FBXL18: variants seen among roughly 807,000 people sequenced by gnomAD.
FBXL18 encodes F-box and leucine rich repeat protein 18.
A neutral mutation model predicts 46.0 loss-of-function variants in FBXL18; 36 were observed. That is an observed-to-expected ratio of 0.78 (90% CI 0.60 to 1.03). The LOEUF (loss-of-function observed/expected upper bound fraction) is 1.03, where lower values mean the gene tolerates loss of function less well. FBXL18 is among the 50% of genes least tolerant of loss of function. FBXL18 has a pLI of 0.00. For missense variants in FBXL18, 977 were observed against 1,004.1 expected (o/e 0.97, Z 0.36); for synonymous variants, 557 against 465.3 (o/e 1.20, Z -2.54).
chr7:5,509,908 G>A (rs2966435), intron 1 of FBXL18, among the ~76,000 whole-genome samples: 4 of 152,016 alleles, frequency 2.6e-5, no homozygotes, highest in East Asian at 1.9e-4. Flanking sequence ...CTGGGCGGGC[G>A]AGTTGAGTCA....
intron 4 of FBXL18, chr7:5,489,508 C>T (rs1295414937): frequency 2.9e-5 from 10 of 341,204 alleles, no homozygotes; most frequent in Admixed American, 8.2e-5. Context: ...CGGTGGCTCA[C>T]GCCTGTAATC....
At chr7:5,474,731 A>G (rs1353652613), downstream of FBXL18, among the ~76,000 whole-genome samples, 4 of 139,670 alleles carry the variant, frequency 2.9e-5, no homozygotes, top group Non-Finnish European at 6.3e-5. Context: ...TATTTGAGAC[A>G]GAGTCTCGCT....
At chr7:5,492,246 CAGA>C (rs1394265285) in intron 3 of FBXL18, among the ~76,000 whole-genome samples, 4 of 149,996 alleles carry the variant, frequency 2.7e-5, no homozygotes, top group East Asian at 2.0e-4. Context: ...AGACAGAAAG[CAGA>C]AGGACAGGCC....
At chr7:5,494,374 G>A (rs1448501307) in intron 3 of FBXL18, among the ~76,000 whole-genome samples, 1 of 152,134 alleles carries the variant, frequency 6.6e-6, no homozygotes, top group East Asian at 1.9e-4. Flanking sequence ...AGAGGATGCA[G>A]TGAGCTGAGA....
chr7:5,508,015 T>C (rs1784435398), intron 1 of FBXL18, among the ~76,000 whole-genome samples: 1 of 152,024 alleles, frequency 6.6e-6, no homozygotes, highest in South Asian at 2.1e-4. Context: ...ACGCCTGTAA[T>C]CCCAGCACTT....
chr7:5,466,628 C>T (rs1484913368), intron 4 of FBXL18, among the ~76,000 whole-genome samples: 29 of 152,230 alleles, frequency 1.9e-4, no homozygotes, highest in Admixed American at 1.9e-3. Context: ...CCGCAACTTC[C>T]GTTCCCCTCT....
rs1238630705 is a variant in FBXL18, at chr7:5,480,515, C to T, written c.*1260G>A. On this transcript the variant is annotated 3_prime_UTR_variant, in exon 5 of 5. Transcript: ENST00000382368. Reference sequence around the variant, plus strand: ...AACTCCTGGGCTCAAGTGATCCTCCCAAAGTGTGTTGAATATATATATATA... The same window carrying T: ...AACTCCTGGGCTCAAGTGATCCTCCTAAAGTGTGTTGAATATATATATATA... 1 of 146,500 alleles carries T rather than the reference C, an allele frequency of 6.8e-6. No homozygotes were observed. The highest frequency in any genetic ancestry group is 2.6e-5 in the African/African-American group (1 of 38,726). The allele number at this position is 146,500 out of a possible 1,614,324, so 9.1% of individuals were successfully genotyped here. A position where few individuals can be genotyped will look rare whatever the true frequency, so the allele number is the denominator to read the frequency against.
chr7:5,475,638 G>A (rs531481603), downstream of FBXL18, among the ~76,000 whole-genome samples: 106 of 152,218 alleles, frequency 7.0e-4, no homozygotes, highest in African/African-American at 2.5e-3. This position sits in a 1 kb window ranked among gnomAD's most constrained non-coding sequence, Gnocchi z 4.2. Context: ...TGGGTCTTGT[G>A]TCTCCATCCA....
intron 1 of FBXL18, among the ~76,000 whole-genome samples, chr7:5,510,618 G>A (rs1004369181): frequency 6.6e-6 from 1 of 151,108 alleles, no homozygotes; most frequent in African/African-American, 2.4e-5. Flanking sequence ...CCCGGGAAGT[G>A]GTGGCTTCAG....
At chr7:5,461,129 C>T (rs1004535274) in intron 4 of FBXL18, among the ~76,000 whole-genome samples, 1 of 152,204 alleles carries the variant, frequency 6.6e-6, no homozygotes, top group Non-Finnish European at 1.5e-5. Context: ...CTCGGGGTGG[C>T]AGGTGGCTGC....
intron 4 of FBXL18, among the ~76,000 whole-genome samples, chr7:5,465,693 G>A (rs964868993): frequency 1.3e-5 from 2 of 152,058 alleles, no homozygotes; most frequent in African/African-American, 2.4e-5. Flanking sequence ...GGGAGGGAGG[G>A]GAGAAATGGT....
At chr7:5,459,564 C>G (rs1199277521) in intron 4 of FBXL18, among the ~76,000 whole-genome samples, 3 of 152,002 alleles carry the variant, frequency 2.0e-5, no homozygotes, top group Non-Finnish European at 4.4e-5. Context: ...CATGGTGAAA[C>G]CCCGTCTCTA....
At chr7:5,465,616 A>G (rs4724689) in intron 4 of FBXL18, among the ~76,000 whole-genome samples, 108,084 of 151,738 alleles carry the variant, frequency 0.71, 39,242 homozygotes, top group East Asian at 0.9. Flanking sequence ...CAGCTCGGGC[A>G]ACAGAGCAAG....
At chr7:5,505,312 C>T (rs1784366454) in intron 2 of FBXL18, 100 bp downstream of exon 2, 3 of 1,145,666 alleles carry the variant, frequency 2.6e-6, no homozygotes, top group Admixed American at 4.5e-5. Context: ...GTTCCTGCCA[C>T]CTTTATATCA....
chr7:5,463,728 A>ATTTTTTTTTTTTTTTTTTTTTTTTTTTT lies in FBXL18; in HGVS notation c.2001-15913_2001-15886dup, dbSNP rs552002078. ...TATTTATTTATTTATTTATTTATTT[A>ATTTTTTTTTTTTTTTTTTTTTTTTTTTT]TTTTTTTTTTTTTTTTTTTTTTTTT... On this transcript the variant is annotated intron_variant and NMD_transcript_variant, in intron 4 of 6. Transcript: ENST00000415009. Among the ~76,000 whole-genome samples the ATTTTTTTTTTTTTTTTTTTTTTTTTTTT allele has an allele frequency of 2.6e-4, 14 of 53,034 alleles. 2 individuals carry two copies. The highest frequency in any genetic ancestry group is 7.3e-4 in the South Asian group (1 of 1,366). 34.8% of individuals were successfully genotyped at this position (53,034 alleles called of 152,430 possible).
chr7:5,511,504 G>T lies in FBXL18; in HGVS notation c.18+2153C>A, dbSNP rs1210620987. 7.9e-5 allele frequency among the ~76,000 whole-genome samples: 12 copies of T among 151,266 alleles called. No homozygotes were observed. The East Asian group carries it at 2.3e-3, about 29-fold the overall frequency. ...GCCTGTAATCCCAGCTACTTGGGAG[G>T]CTGAGGCAGGAGAATCGCTTGAACC... On this transcript the variant is annotated intron_variant, in intron 1 of 4. Transcript: ENST00000382368.
rs763378794 is a variant in FBXL18 at position 5,502,057 on chromosome 7, G to A, written c.238-26C>T. 19 of 1,525,382 alleles carry A rather than the reference G, an allele frequency of 1.2e-5. 1 individual carries two copies. In the South Asian group the frequency reaches 2.2e-4, roughly 18 times the overall value. The allele number at this position is 1,525,382 out of a possible 1,614,324, so 94.5% of individuals were successfully genotyped here. ...CTGCGGGACAGAGGCAGGGTGGGGA[G>A]AGGAAGGAAAGGGCTGAAGGCACCT... On this transcript the variant is annotated intron_variant, in intron 2 of 4. Transcript: ENST00000382368.
intron 4 of FBXL18, among the ~76,000 whole-genome samples, chr7:5,485,657 C>T (rs1025808091): frequency 6.6e-6 from 1 of 152,120 alleles, no homozygotes; most frequent in African/African-American, 2.4e-5. Context: ...CCTATAATCC[C>T]AGTACTTTGG....
intron 4 of FBXL18, among the ~76,000 whole-genome samples, chr7:5,461,467 T>C (rs990757563): frequency 2.6e-5 from 4 of 152,186 alleles, no homozygotes; most frequent in African/African-American, 9.6e-5. Context: ...CCAACCTAAT[T>C]ACAAGACGCC....
Sources: gnomAD v4.1 joint callset for allele counts (sites outside exome capture counted in the v4.1 genomes callset) on GRCh38, gnomAD v4.1.1 for gene constraint, Gnocchi (gnomAD v3.1) non-coding constraint, MANE v1.5 for transcripts, NCBI Gene and HGNC (gene_info 2026-07-23, HGNC 2026-07-21) for gene names.